Variants in GRID2 observed in about 807,000 individuals in gnomAD.
GRID2 encodes the protein glutamate receptor ionotropic, delta-2.
In GRID2, 33 loss-of-function variants were observed where a neutral mutation model predicts 114.8. The observed-to-expected ratio is 0.29, with a 90% CI of 0.22 to 0.38. The LOEUF (loss-of-function observed/expected upper bound fraction) is 0.38, where lower values mean the gene tolerates loss of function less well. Among genes scored for constraint, GRID2 ranks in the 10% least tolerant of loss-of-function variants. The pLI is 1.00. For missense variants in GRID2, 1,184 were observed against 1,257.7 expected (o/e 0.94, Z 0.89); for synonymous variants, 505 against 449.9 (o/e 1.12, Z -1.55).
chr4:92,769,050 G>A (rs1738405611), intron 2 of GRID2, among the ~76,000 whole-genome samples: 1 of 152,118 alleles, frequency 6.6e-6, no homozygotes, highest in African/African-American at 2.4e-5. Flanking sequence ...CTGAGACAAG[G>A]CAAGCCCCTT....
chr4:93,130,240 G>C (rs558463411), intron 4 of GRID2, among the ~76,000 whole-genome samples: 3 of 152,268 alleles, frequency 2.0e-5, no homozygotes, highest in African/African-American at 7.2e-5. Context: ...AGGAATTTGA[G>C]ACCAGCCTGG....
intron 5 of GRID2, among the ~76,000 whole-genome samples, chr4:93,212,274 G>T (rs1402977498): frequency 6.6e-6 from 1 of 152,112 alleles, no homozygotes; most frequent in Non-Finnish European, 1.5e-5. Flanking sequence ...GTTTTTAAAG[G>T]AGGGAATATA....
At chr4:92,363,849 T>G (rs1728731206) in intron 1 of GRID2, among the ~76,000 whole-genome samples, 1 of 147,614 alleles carries the variant, frequency 6.8e-6, no homozygotes, top group African/African-American at 2.5e-5. Context: ...TGACAGAATC[T>G]CCCTTTATCA....
intron 2 of GRID2, among the ~76,000 whole-genome samples, chr4:93,047,827 A>G (rs574447021): frequency 2.6e-4 from 40 of 151,808 alleles, no homozygotes; most frequent in Non-Finnish European, 5.3e-4. Flanking sequence ...CAGGTAGATG[A>G]ATACTCTAAT....
At chr4:92,442,281 AG>A (rs1733146282) in intron 1 of GRID2, among the ~76,000 whole-genome samples, 1 of 151,986 alleles carries the variant, frequency 6.6e-6, no homozygotes, top group South Asian at 2.1e-4. Flanking sequence ...CTTGCGCCAG[AG>A]TTCCAGGGGC....
intron 15 of GRID2, among the ~76,000 whole-genome samples, chr4:93,770,448 G>C (rs923833569): frequency 6.6e-6 from 1 of 152,158 alleles, no homozygotes; most frequent in Non-Finnish European, 1.5e-5. Context: ...GCACATTAAT[G>C]TGTTTTTTTC....
chr4:93,739,169 G>A (rs574973492), intron 14 of GRID2, among the ~76,000 whole-genome samples: 1 of 152,076 alleles, frequency 6.6e-6, no homozygotes, highest in Admixed American at 6.5e-5. Flanking sequence ...TTTTATTTAA[G>A]GCCAAACCAT....
chr4:93,477,611 T>A (rs1185922741), intron 11 of GRID2, among the ~76,000 whole-genome samples: 2 of 152,132 alleles, frequency 1.3e-5, no homozygotes, highest in Non-Finnish European at 2.9e-5. Flanking sequence ...AACTTACCAA[T>A]TCAAAATGGA....
chr4:93,604,926 G>A (rs1256848181), intron 13 of GRID2, among the ~76,000 whole-genome samples: 1 of 152,150 alleles, frequency 6.6e-6, no homozygotes, highest in Non-Finnish European at 1.5e-5. Context: ...TATATGTACT[G>A]GGAAACCAAA....
intron 8 of GRID2, among the ~76,000 whole-genome samples, chr4:93,289,534 CAT>C (rs1753521688): frequency 6.6e-6 from 1 of 152,086 alleles, no homozygotes; most frequent in Non-Finnish European, 1.5e-5. Context: ...GGCATACACA[CAT>C]ATTGGTACTG....
chr4:92,679,851 A>G (rs1162473981), intron 2 of GRID2, among the ~76,000 whole-genome samples: 1 of 152,032 alleles, frequency 6.6e-6, no homozygotes, highest in Non-Finnish European at 1.5e-5. Flanking sequence ...ATTTAGACAT[A>G]TAATTGATTT....
chr4:92,537,279 C>A (rs950190505), intron 1 of GRID2, among the ~76,000 whole-genome samples: 1 of 152,034 alleles, frequency 6.6e-6, no homozygotes. Flanking sequence ...TATATACATA[C>A]TATTATTAAT....
At chr4:92,707,123 G>C (rs1734993093) in intron 2 of GRID2, among the ~76,000 whole-genome samples, 1 of 152,062 alleles carries the variant, frequency 6.6e-6, no homozygotes, top group South Asian at 2.1e-4. Context: ...AATCAGCTAA[G>C]TTACATGTCT....
chr4:92,575,139 G>C (rs76439875), intron 1 of GRID2, among the ~76,000 whole-genome samples: 5,759 of 152,236 alleles, frequency 0.038, 130 homozygotes, highest in Middle Eastern at 0.089. Context: ...GGAAATTCTT[G>C]TAGTGTGTTT....
chr4:93,761,674 T>G (rs1237014984), intron 14 of GRID2, among the ~76,000 whole-genome samples: 1 of 152,180 alleles, frequency 6.6e-6, no homozygotes, highest in Non-Finnish European at 1.5e-5. Context: ...ATTAAGCAAC[T>G]GCCATTTGGC....
intron 13 of GRID2, among the ~76,000 whole-genome samples, chr4:93,619,285 G>T (rs959813121): frequency 3.3e-5 from 5 of 152,192 alleles, no homozygotes; most frequent in African/African-American, 7.2e-5. Flanking sequence ...AAGAATTGAT[G>T]AATGCTGCTA....
intron 2 of GRID2, among the ~76,000 whole-genome samples, chr4:92,852,299 G>A (rs1283740842): frequency 6.6e-6 from 1 of 151,782 alleles, no homozygotes; most frequent in Non-Finnish European, 1.5e-5. Context: ...GCTCCAGCCA[G>A]TTCCAGTCTT....
At chr4:92,605,739 A>T (rs2149223328) in intron 2 of GRID2, among the ~76,000 whole-genome samples, 1 of 152,188 alleles carries the variant, frequency 6.6e-6, no homozygotes, top group African/African-American at 2.4e-5. Context: ...GGACACTCAA[A>T]TTTTTATTCT....
chr4:93,152,643 A>T (rs190094214), intron 4 of GRID2, among the ~76,000 whole-genome samples: 1 of 152,094 alleles, frequency 6.6e-6, no homozygotes, highest in Non-Finnish European at 1.5e-5. Flanking sequence ...TTTGATACCA[A>T]CCCTTCATTG....
Sources: gnomAD v4.1 joint callset for allele counts (sites outside exome capture counted in the v4.1 genomes callset) on GRCh38, gnomAD v4.1.1 for gene constraint, MANE v1.5 for transcripts, NCBI Gene and HGNC (gene_info 2026-07-23, HGNC 2026-07-21) for gene names.